RTN1: variants seen among roughly 807,000 people sequenced by gnomAD.
RTN1 encodes reticulon-1.
In RTN1, 25 loss-of-function variants were observed where a neutral mutation model predicts 65.5. The ratio of observed to expected loss-of-function variants is 0.38; its 90% CI spans 0.28 to 0.53. RTN1 has a LOEUF of 0.53. Ranked by LOEUF, RTN1 falls within the 20% of genes least tolerant of loss-of-function variation. The pLI is 0.79. For synonymous variants in RTN1, 471 were observed against 447.6 expected, an observed-to-expected ratio of 1.05 and a Z score of -0.66; for missense variants, 983 against 1,025.4, an observed-to-expected ratio of 0.96 and a Z score of 0.57.
At chr14:59,707,708 TAC>T (rs34046826) in intron 3 of RTN1, among the ~76,000 whole-genome samples, 57,172 of 145,244 alleles carry the variant, frequency 0.39, 11,033 homozygotes, top group Middle Eastern at 0.5. Context: ...CTCTCTCTTT[TAC>T]ACACACACAC....
intron 3 of RTN1, among the ~76,000 whole-genome samples, chr14:59,722,537 G>A (rs1172647511): frequency 1.3e-5 from 2 of 152,102 alleles, no homozygotes; most frequent in Admixed American, 6.5e-5. Context: ...ACATCAGTAC[G>A]ATAAGGGAGG....
In RTN1 at chr14:59,746,327, G is replaced by T; in HGVS notation, c.396C>A (p.Gly132=). The change falls in exon 2 of 9, where the codon GGC becomes GGA. Residue 132 remains glycine, a synonymous_variant. Transcript: ENST00000267484. ...CAGGGCTCTCTGAAATGGTGACGTG[G>T]CCATTTTCCTTCTGAAGAATTCCAG... is the stretch of plus-strand genomic sequence containing the variant. ...YFTGILQKEN[G]HVTISESPEE... 1 of 1,614,164 alleles carries T rather than the reference G, an allele frequency of 6.2e-7. No individual in the cohort carries two copies. Among genetic ancestry groups the T allele is most frequent in the Non-Finnish European group, 8.5e-7 (1 of 1,180,014 alleles).
At chr14:59,657,156 C>A (rs1225192093) in intron 3 of RTN1, among the ~76,000 whole-genome samples, 2 of 152,186 alleles carry the variant, frequency 1.3e-5, no homozygotes, top group Non-Finnish European at 2.9e-5. Context: ...CACCTGTAAT[C>A]CCAGCACTTT....
At chr14:59,629,359 A>T (rs1882483050) in intron 3 of RTN1, among the ~76,000 whole-genome samples, 1 of 152,192 alleles carries the variant, frequency 6.6e-6, no homozygotes. Context: ...AACCCTACAG[A>T]GGCATTAAAG....
Position 59,745,863 on chromosome 14 carries a change from T to G in RTN1, c.860A>C (p.Glu287Ala). 6.2e-7 allele frequency: 1 copy of G among 1,614,108 alleles called. No homozygotes were observed. The highest frequency in any genetic ancestry group is 1.1e-5 in the South Asian group (1 of 91,076). The change falls in exon 2 of 9, where the codon GAA (glutamate) becomes GCA (alanine). Residue 287 changes from glutamate to alanine, a missense_variant. Transcript: ENST00000267484. The part of the protein sequence containing the change: ...ITTPVKITLT[E>A]IEPSVETTTQ... The stretch of plus-strand genomic sequence containing the variant: ...AGTGGTTTCAACAGAAGGTTCTATT[T>G]CCGTCAGTGTGATTTTGACAGGGGT...
In RTN1 at chr14:59,724,504, G is replaced by A. The variant is rs534207998; in HGVS notation, c.1765+2415C>T. Among the ~76,000 whole-genome samples the A allele has an allele frequency of 8.5e-5, 13 of 152,326 alleles. No homozygotes were observed. The East Asian group carries it at 1.4e-3, about 16-fold the overall frequency. On this transcript the variant is annotated intron_variant, in intron 3 of 8. Coordinates refer to ENST00000267484, the MANE Select transcript of RTN1 (RefSeq NM_021136.3). Reference sequence around the variant, plus strand: ...GAGCAGGAAACCACAGAAGCTGACCGGACCTCACTGTTGCCAGGAGTCAAG... The same window carrying A: ...GAGCAGGAAACCACAGAAGCTGACCAGACCTCACTGTTGCCAGGAGTCAAG...
intron 1 of RTN1, among the ~76,000 whole-genome samples, chr14:59,865,248 A>G (rs1177357938): frequency 6.6e-6 from 1 of 152,056 alleles, no homozygotes; most frequent in African/African-American, 2.4e-5. Flanking sequence ...AGAATCCACC[A>G]TTTTCCCCTT....
At chr14:59,612,402 C>T (rs1881977676) in intron 3 of RTN1, among the ~76,000 whole-genome samples, 1 of 152,130 alleles carries the variant, frequency 6.6e-6, no homozygotes, top group South Asian at 2.1e-4. Flanking sequence ...TCTTACCAGC[C>T]AAGTTTCTGG....
intron 1 of RTN1, among the ~76,000 whole-genome samples, chr14:59,815,972 C>T (rs1886813711): frequency 6.6e-6 from 1 of 152,180 alleles, no homozygotes; most frequent in Admixed American, 6.5e-5. Flanking sequence ...TAGCCAATCA[C>T]AAATGCCAAT....
intron 1 of RTN1, among the ~76,000 whole-genome samples, chr14:59,804,416 C>T (rs1283536744): frequency 6.6e-6 from 1 of 152,144 alleles, no homozygotes; most frequent in Non-Finnish European, 1.5e-5. Flanking sequence ...TCTCCTGGTG[C>T]CTTCACTGCA....
chr14:59,709,165 G>A (rs774632301), intron 3 of RTN1, among the ~76,000 whole-genome samples: 1 of 152,134 alleles, frequency 6.6e-6, no homozygotes, highest in Non-Finnish European at 1.5e-5. Flanking sequence ...GAAGCTTGTA[G>A]GGGTGAAATG....
chr14:59,853,521 G>T (rs1157481966), intron 1 of RTN1, among the ~76,000 whole-genome samples: 1 of 152,092 alleles, frequency 6.6e-6, no homozygotes, highest in Non-Finnish European at 1.5e-5. Context: ...TTCAACCAGA[G>T]TCAAGATTTC....
chr14:59,833,978 G>A (rs1887170933), intron 1 of RTN1, among the ~76,000 whole-genome samples: 1 of 152,086 alleles, frequency 6.6e-6, no homozygotes, highest in Non-Finnish European at 1.5e-5. Flanking sequence ...AACTTATAAA[G>A]CTACAGTTCT....
At chr14:59,657,137 G>A (rs1181634160) in intron 3 of RTN1, among the ~76,000 whole-genome samples, 10 of 152,162 alleles carry the variant, frequency 6.6e-5, no homozygotes, top group Non-Finnish European at 5.9e-5. Flanking sequence ...GGCCAGGCAC[G>A]GTGGCTCACA....
chr14:59,713,922 A>G (rs889317025), intron 3 of RTN1, among the ~76,000 whole-genome samples: 3 of 152,196 alleles, frequency 2.0e-5, no homozygotes, highest in African/African-American at 7.2e-5. Flanking sequence ...AGCAAGACCT[A>G]TAAAATTATG....
intron 1 of RTN1, among the ~76,000 whole-genome samples, chr14:59,798,632 T>C (rs1299603853): frequency 1.3e-5 from 2 of 152,190 alleles, no homozygotes; most frequent in Non-Finnish European, 2.9e-5. Context: ...TACCTGACTC[T>C]GATCTTCCTG....
intron 1 of RTN1, among the ~76,000 whole-genome samples, chr14:59,748,300 C>A (rs947326413): frequency 7.4e-5 from 11 of 147,938 alleles, no homozygotes; most frequent in Non-Finnish European, 1.5e-4. Context: ...TTTTTGGTTG[C>A]ACAAGCTATT....
At chr14:59,749,613 TTATATAGATATCTATATATAGATATC>T (rs1566712361) in intron 1 of RTN1, among the ~76,000 whole-genome samples, 6 of 66,354 alleles carry the variant, frequency 9.0e-5, no homozygotes, top group African/African-American at 4.5e-4. Context: ...CTATATATAT[TTATATAGATATCTATATATAGATATC>T]TATATATATT....
chr14:59,730,819 T>C (rs2139484087), intron 2 of RTN1, among the ~76,000 whole-genome samples: 1 of 152,220 alleles, frequency 6.6e-6, no homozygotes, highest in East Asian at 1.9e-4. Flanking sequence ...ATAACCATAC[T>C]AGGATGGCTA....
Sources: allele counts gnomAD v4.1 joint callset (sites outside exome capture counted in the v4.1 genomes callset), GRCh38; gene constraint gnomAD v4.1.1; transcripts MANE v1.5; gene names NCBI Gene and HGNC (gene_info 2026-07-23, HGNC 2026-07-21).